The following CCDC102A variants were observed in gnomAD, a reference collection of about 807,000 sequenced individuals.
CCDC102A encodes coiled-coil domain-containing protein 102A.
CCDC102A carries 40 observed loss-of-function variants against 55.5 expected under a neutral mutation model. That is an observed-to-expected ratio of 0.72 (90% confidence interval 0.56 to 0.94). The LOEUF (loss-of-function observed/expected upper bound fraction) is 0.94, where lower values mean the gene tolerates loss of function less well. CCDC102A is among the 40% of genes least tolerant of loss of function. The pLI, the probability that CCDC102A is intolerant of heterozygous loss-of-function variation, is 0.00. For missense variants in CCDC102A, 779 were observed against 768.6 expected (o/e 1.01, Z -0.16); for synonymous variants, 323 against 339.0 (o/e 0.95, Z 0.52).
chr16:57,534,832 G>C (rs115079451), intron 1 of CCDC102A, among the ~76,000 whole-genome samples: 2,654 of 152,278 alleles, frequency 0.017, 76 homozygotes, highest in African/African-American at 0.062. Flanking sequence ...GTCATCTCAC[G>C]GCCAAGTCGG....
chr16:57,518,814 G>A lies in CCDC102A; in HGVS notation c.922-73C>T, dbSNP rs1362988638. On this transcript the variant is annotated intron_variant, in intron 4 of 8. Transcript: ENST00000258214. Reference sequence around the variant, plus strand: ...CCTGGAACCACCTCCGGGGGTGGGCGCCAGTGCAGGAGTGCTCAGCGTGGA... The same window carrying A: ...CCTGGAACCACCTCCGGGGGTGGGCACCAGTGCAGGAGTGCTCAGCGTGGA... The A allele has an allele frequency of 6.6e-6, 8 of 1,204,088 alleles. No homozygotes were observed. The East Asian group carries it at 7.6e-5, about 11-fold the overall frequency. 74.6% of individuals were successfully genotyped at this position (1,204,088 alleles called of 1,614,324 possible).
chr16:57,515,014 G>A lies in CCDC102A; in HGVS notation c.1523+327C>T, dbSNP rs545290108. 3.9e-5 allele frequency among the ~76,000 whole-genome samples: 6 copies of A among 152,236 alleles called. No individual in the cohort carries two copies. In the South Asian group the frequency reaches 1.2e-3, roughly 32 times the overall value. ...CCTGGGCCCAGTAACGCTGAGGGCT[G>A]CCTATTTGAGCCCTGCTGGCCCCAC... On this transcript the variant is annotated intron_variant, in intron 8 of 8. Coordinates refer to ENST00000258214, the MANE Select transcript of CCDC102A (RefSeq NM_033212.4).
intron 6 of CCDC102A, among the ~76,000 whole-genome samples, chr16:57,517,049 C>G (rs1567601475): frequency 6.6e-6 from 1 of 152,184 alleles, no homozygotes; most frequent in African/African-American, 2.4e-5. Flanking sequence ...TCCTCCCTCT[C>G]TTGTTGTCCA....
chr16:57,528,644 C>T lies in CCDC102A; in HGVS notation c.534G>A (p.Ala178=), dbSNP rs761363067. The change falls in exon 2 of 9, where the codon GCG becomes GCA. Residue 178 remains alanine (A), a synonymous_variant. Coordinates refer to ENST00000258214, the MANE Select transcript of CCDC102A (RefSeq NM_033212.4). The part of the protein sequence containing the change: ...DQTRDGPEPE[A]EREPVRDVGS... ...CGACGTCACGCACTGGCTCGCGCTC[C>T]GCTTCCGGCTCGGGGCCGTCGCGCG... 22 of 1,204,784 alleles carry T rather than the reference C, an allele frequency of 1.8e-5. No individual in the cohort carries two copies. The highest frequency in any genetic ancestry group is 2.3e-5 in the Non-Finnish European group (22 of 964,122). The allele number at this position is 1,204,784 out of a possible 1,614,324, so 74.6% of individuals were successfully genotyped here.
chr16:57,521,593 T>C (rs2032053069), intron 3 of CCDC102A, among the ~76,000 whole-genome samples: 1 of 152,256 alleles, frequency 6.6e-6, no homozygotes, highest in Non-Finnish European at 1.5e-5. Flanking sequence ...TTGTAGACTA[T>C]GTTCCCTGCA....
At chr16:57,535,300 G>C (rs1377529459) in intron 1 of CCDC102A, among the ~76,000 whole-genome samples, 5 of 152,160 alleles carry the variant, frequency 3.3e-5, no homozygotes, top group African/African-American at 1.2e-4. Flanking sequence ...CTAAGCCCAG[G>C]GGTAGGCACC....
chr16:57,527,130 C>A (rs1366901262), intron 2 of CCDC102A, among the ~76,000 whole-genome samples: 1 of 152,022 alleles, frequency 6.6e-6, no homozygotes, highest in Non-Finnish European at 1.5e-5. Flanking sequence ...GCAGCAGTGC[C>A]CACGCTAGCC....
intron 8 of CCDC102A, among the ~76,000 whole-genome samples, chr16:57,514,836 G>A (rs1456458914): frequency 6.6e-6 from 1 of 152,218 alleles, no homozygotes; most frequent in Non-Finnish European, 1.5e-5. Context: ...GCCTGGTTCT[G>A]TGATTCACAG....
intron 1 of CCDC102A, among the ~76,000 whole-genome samples, chr16:57,536,047 C>A (rs994257360): frequency 6.6e-6 from 1 of 152,146 alleles, no homozygotes; most frequent in Non-Finnish European, 1.5e-5. Flanking sequence ...GCCCGCGCCG[C>A]GCGGTCCCGC....
At chr16:57,528,007 G>C (rs567275971) in intron 2 of CCDC102A, among the ~76,000 whole-genome samples, 3 of 152,320 alleles carry the variant, frequency 2.0e-5, no homozygotes, top group Admixed American at 6.5e-5. Context: ...GAGTGCAGCA[G>C]TATAGTCATA....
In CCDC102A at chr16:57,512,564, C is replaced by T; in HGVS notation, c.*177G>A. ...TATATATATATAAAACATAGGCTTC[C>T]TTTCCACAGGGCGTTGGTAGGTGGG... On this transcript the variant is annotated 3_prime_UTR_variant, in exon 9 of 9. Transcript: ENST00000258214. 1.4e-6 allele frequency: 1 copy of T among 707,010 alleles called. No individual in the cohort carries two copies. The highest frequency in any genetic ancestry group is 2.3e-6 in the Non-Finnish European group (1 of 427,398). The allele number at this position is 707,010 out of a possible 1,614,324, so 43.8% of individuals were successfully genotyped here. A position where few individuals can be genotyped will look rare whatever the true frequency, so the allele number is the denominator to read the frequency against.
At chr16:57,534,294 C>T (rs1437495647) in intron 1 of CCDC102A, among the ~76,000 whole-genome samples, 1 of 152,186 alleles carries the variant, frequency 6.6e-6, no homozygotes, top group Non-Finnish European at 1.5e-5. Flanking sequence ...CATCAGGGCT[C>T]CTGAACCCCA....
At chr16:57,528,116 G>C (rs2032173874) in intron 2 of CCDC102A, among the ~76,000 whole-genome samples, 1 of 152,162 alleles carries the variant, frequency 6.6e-6, no homozygotes, top group Non-Finnish European at 1.5e-5. Context: ...ACGTCGTCCT[G>C]CCCTCCTGGC....
At position 57,528,939 on chromosome 16, in the gene CCDC102A, A is replaced by C; in HGVS notation, c.239T>G (p.Leu80Arg). Reference protein sequence around the residue: ...ESREELRLRELEEARARAAQM... With the variant: ...ESREELRLREREEARARAAQM... ...CGCCGCCCGCGCCCGCGCCTCCTCC[A>C]GCTCCCGCAGCCGCAGCTCCTCGCG... Residue 80 changes from leucine to arginine, a missense_variant, in exon 2 of 9, where the codon CTG (leucine) becomes CGG (arginine). By Grantham distance (102) the Leu-to-Arg change is moderately radical. Coordinates refer to ENST00000258214, the MANE Select transcript of CCDC102A (RefSeq NM_033212.4). The C allele has an allele frequency of 7.2e-7, 1 of 1,389,346 alleles. No homozygotes were observed. Among genetic ancestry groups the C allele is most frequent in the Non-Finnish European group, 9.4e-7 (1 of 1,060,174 alleles). The allele number at this position is 1,389,346 out of a possible 1,614,324, so 86.1% of individuals were successfully genotyped here.
intron 1 of CCDC102A, among the ~76,000 whole-genome samples, chr16:57,532,366 C>A (rs983599605): frequency 6.6e-6 from 1 of 152,178 alleles, no homozygotes; most frequent in Non-Finnish European, 1.5e-5. Flanking sequence ...GGCTCTGGTT[C>A]CATGTACACC....
rs370570708 is a variant in CCDC102A at position 57,512,822 on chromosome 16, A to T, written c.1572T>A (p.Ser524Arg). Reference protein sequence around the residue: ...QNAPLFGKIRSARFGTEEAED... With the variant: ...QNAPLFGKIRRARFGTEEAED... ...CGGCCTCCTCGGTGCCAAAGCGAGC[A>T]CTGCGGATCTTCCCGAAGAGGGGAG... Residue 524 changes from serine (S) to arginine (R), a missense_variant, in exon 9 of 9, where the codon AGT becomes AGA. Transcript: ENST00000258214. 3 of 1,613,952 alleles carry T rather than the reference A, an allele frequency of 1.9e-6. No individual in the cohort carries two copies. The highest frequency in any genetic ancestry group is 2.5e-6 in the Non-Finnish European group (3 of 1,179,966).
At chr16:57,519,682 C>T (rs753447479) in intron 4 of CCDC102A, among the ~76,000 whole-genome samples, 10 of 152,332 alleles carry the variant, frequency 6.6e-5, no homozygotes, top group South Asian at 4.1e-4. Flanking sequence ...GTGTTTCATT[C>T]GCTTTTCTTC....
At position 57,528,924 on chromosome 16, in the gene CCDC102A, G is replaced by T. The variant is rs745722625; in HGVS notation, c.254C>A (p.Ala85Glu). 1 of 1,402,578 alleles carries T rather than the reference G, an allele frequency of 7.1e-7. No individual in the cohort carries two copies. Among genetic ancestry groups the T allele is most frequent in the South Asian group, 1.3e-5 (1 of 79,996 alleles). The allele number at this position is 1,402,578 out of a possible 1,614,324, so 86.9% of individuals were successfully genotyped here. ...LRLRELEEAR[A>E]RAAQMEKTMR... The stretch of plus-strand genomic sequence containing the variant: ...GGTCTTCTCCATCTGCGCCGCCCGC[G>T]CCCGCGCCTCCTCCAGCTCCCGCAG... The change falls in exon 2 of 9, where the codon GCG becomes GAG. Residue 85 changes from alanine (A) to glutamate (E), a missense_variant. Coordinates refer to ENST00000258214, the MANE Select transcript of CCDC102A (RefSeq NM_033212.4).
rs879444476 is a variant in CCDC102A at position 57,535,235 on chromosome 16, G to C, written c.-148+1265C>G. 8.5e-5 allele frequency among the ~76,000 whole-genome samples: 13 copies of C among 152,332 alleles called. No homozygotes were observed. The East Asian group carries it at 1.7e-3, about 20-fold the overall frequency. On this transcript the variant is annotated intron_variant, in intron 1 of 8. Coordinates refer to ENST00000258214, the MANE Select transcript of CCDC102A (RefSeq NM_033212.4). ...CCAGGATCCAGCTGCAGGACCTCTG[G>C]GGGGAGCTGGCTGGCGGGAAAGGAA...
Sources: gnomAD v4.1 joint callset for allele counts (sites outside exome capture counted in the v4.1 genomes callset) on GRCh38, gnomAD v4.1.1 for gene constraint, MANE v1.5 for transcripts, NCBI Gene and HGNC (gene_info 2026-07-23, HGNC 2026-07-21) for gene names.